The following RFX8 variants were observed in gnomAD, a reference collection of about 807,000 sequenced individuals.
The protein encoded by RFX8 is regulatory factor X8.
A neutral mutation model predicts 54.6 loss-of-function variants in RFX8; 46 were observed. The ratio of observed to expected loss-of-function variants is 0.84; its 90% CI spans 0.67 to 1.08. The LOEUF is 1.08. RFX8 is among the 50% of genes least tolerant of loss of function. The pLI is 0.00. For synonymous variants in RFX8, 192 were observed against 209.5 expected (o/e 0.92, Z 0.72); for missense variants, 536 against 562.3 (o/e 0.95, Z 0.47).
chr2:101,474,309 C>T (rs1490666159), intron 1 of RFX8: 7 of 469,420 alleles, frequency 1.5e-5, no homozygotes, highest in Non-Finnish European at 2.6e-5. Flanking sequence ...CCGAGGCAGG[C>T]AGCGAGCGGC....
intron 2 of RFX8, among the ~76,000 whole-genome samples, chr2:101,463,585 C>T (rs11690908): frequency 0.35 from 52,574 of 152,172 alleles, 9,759 homozygotes; most frequent in African/African-American, 0.44. Context: ...CCCTGGGAGA[C>T]AGCCTGCCGG....
At chr2:101,474,025 G>A (rs752056874) in intron 1 of RFX8, among the ~76,000 whole-genome samples, 1 of 152,182 alleles carries the variant, frequency 6.6e-6, no homozygotes, top group Non-Finnish European at 1.5e-5. Flanking sequence ...ACGCGTGTGC[G>A]TGCATGGCAG....
chr2:101,463,404 A>T (rs940319758), intron 2 of RFX8, among the ~76,000 whole-genome samples: 1 of 152,168 alleles, frequency 6.6e-6, no homozygotes, highest in African/African-American at 2.4e-5. Context: ...CAGTGAGGGC[A>T]GGGCTCTGGC....
intron 9 of RFX8, among the ~76,000 whole-genome samples, 159 bp downstream of exon 9, chr2:101,410,460 A>G (rs1450415153): frequency 6.6e-6 from 1 of 151,446 alleles, no homozygotes; most frequent in East Asian, 1.9e-4. Context: ...TCCACCTGCT[A>G]CAGAGTTCGA....
At chr2:101,458,687 C>T (rs960484489) in intron 2 of RFX8, among the ~76,000 whole-genome samples, 2 of 152,126 alleles carry the variant, frequency 1.3e-5, no homozygotes, top group African/African-American at 4.8e-5. Context: ...AATTAAGTGT[C>T]TTGGGTTGCT....
At chr2:101,422,211 G>A (rs1369119611) in intron 3 of RFX8, 151 bp downstream of exon 3, 6 of 604,348 alleles carry the variant, frequency 9.9e-6, no homozygotes, top group South Asian at 4.3e-5. Context: ...GCACCATCAA[G>A]CCAGGGAAGG....
intron 4 of RFX8, among the ~76,000 whole-genome samples, chr2:101,420,217 C>T (rs1686783283): frequency 6.6e-6 from 1 of 152,084 alleles, no homozygotes; most frequent in African/African-American, 2.4e-5. Context: ...CCTACTTTCC[C>T]ACCTCCCCTC....
chr2:101,431,808 AAAG>A (rs765230737), intron 2 of RFX8, among the ~76,000 whole-genome samples: 3 of 152,132 alleles, frequency 2.0e-5, no homozygotes, highest in Non-Finnish European at 4.4e-5. Context: ...CAGCAATCGA[AAAG>A]AAGGTGGCAT....
rs1685491447 is a variant in RFX8 at position 101,402,498 on chromosome 2, C to T, written c.1183G>A (p.Gly395Ser). Residue 395 changes from glycine to serine, a missense_variant, in exon 11 of 12, where the codon GGT (glycine) becomes AGT (serine). Coordinates refer to ENST00000428343, the MANE Select transcript of RFX8 (RefSeq NM_001145664.2). The stretch of plus-strand genomic sequence containing the variant: ...ATCCTGAGGACCATGTTGCTCACAC[C>T]CACGGGATATCGGCCCTGGCCCATG... Reference protein sequence around the residue: ...THMGQGRYPVGVSNMVLRILG... With the variant: ...THMGQGRYPVSVSNMVLRILG... 1 of 1,551,664 alleles carries T rather than the reference C, an allele frequency of 6.4e-7. No homozygotes were observed. Among genetic ancestry groups the T allele is most frequent in the Non-Finnish European group, 8.7e-7 (1 of 1,147,020 alleles).
intron 2 of RFX8, among the ~76,000 whole-genome samples, chr2:101,451,234 A>G (rs1688662122): frequency 1.3e-5 from 2 of 152,132 alleles, no homozygotes; most frequent in African/African-American, 4.8e-5. Flanking sequence ...ACTGTCTTCA[A>G]TTCCTTGGTG....
intron 8 of RFX8, 86 bp from the exon 9 acceptor site, chr2:101,410,799 A>C: frequency 1.4e-6 from 1 of 702,278 alleles, no homozygotes; most frequent in Non-Finnish European, 2.5e-6. Context: ...GGTAACCTGG[A>C]AACATCACTG....
At chr2:101,455,625 A>G (rs1393946292) in intron 2 of RFX8, among the ~76,000 whole-genome samples, 1 of 152,114 alleles carries the variant, frequency 6.6e-6, no homozygotes, top group Non-Finnish European at 1.5e-5. Context: ...GTAGCCTTGT[A>G]GTATAGTTTG....
At chr2:101,445,901 G>C (rs1383329564) in intron 2 of RFX8, among the ~76,000 whole-genome samples, 3 of 152,120 alleles carry the variant, frequency 2.0e-5, no homozygotes, top group African/African-American at 7.2e-5. Flanking sequence ...TTCATTACCT[G>C]AAAACCAGAG....
At chr2:101,465,626 A>C (rs1689532268) in intron 2 of RFX8, among the ~76,000 whole-genome samples, 1 of 152,158 alleles carries the variant, frequency 6.6e-6, no homozygotes. Flanking sequence ...TGATGATAAC[A>C]GTATGATAAC....
chr2:101,467,784 T>G (rs1689659156), intron 1 of RFX8, among the ~76,000 whole-genome samples: 1 of 151,766 alleles, frequency 6.6e-6, no homozygotes, highest in Admixed American at 6.6e-5. Context: ...TGGAGGTGAG[T>G]GGTGAAGGTG....
intron 9 of RFX8, among the ~76,000 whole-genome samples, chr2:101,409,477 C>T (rs192993119): frequency 2.6e-5 from 4 of 151,972 alleles, no homozygotes; most frequent in African/African-American, 7.2e-5. Flanking sequence ...CTGCCTGCCT[C>T]GGCCACCCAA....
rs1396928459 is a variant in RFX8 at position 101,417,568 on chromosome 2, A to G, written c.468T>C (p.Gly156=). The G allele has an allele frequency of 6.4e-7, 1 of 1,551,240 alleles. No homozygotes were observed. Among genetic ancestry groups the G allele is most frequent in the Admixed American group, 2.0e-5 (1 of 50,824 alleles). ...TGGAGATCTGCAAGAGGGCTGGAACACCTTCCAAAGCATTAAGGAGCCACA... is the reference window on the plus strand; with the variant it reads ...TGGAGATCTGCAAGAGGGCTGGAACGCCTTCCAAAGCATTAAGGAGCCACA... The part of the protein sequence containing the change: ...FKLWLLNALE[G]VPALLQISKL... The change falls in exon 6 of 12, where the codon GGT becomes GGC. Residue 156 remains glycine (G), a synonymous_variant. Coordinates refer to ENST00000428343, the MANE Select transcript of RFX8 (RefSeq NM_001145664.2).
intron 1 of RFX8, among the ~76,000 whole-genome samples, chr2:101,470,605 G>A (rs1234939733): frequency 1.3e-5 from 2 of 151,722 alleles, no homozygotes; most frequent in African/African-American, 4.8e-5. Flanking sequence ...AAGATCTTGA[G>A]ACCGTTCATG....
intron 10 of RFX8, among the ~76,000 whole-genome samples, chr2:101,402,974 C>G (rs1685535450): frequency 6.6e-6 from 1 of 152,258 alleles, no homozygotes; most frequent in South Asian, 2.1e-4. Context: ...GCTAAATAGC[C>G]TAAGTCATGA....
Sources: gnomAD v4.1 joint callset for allele counts (sites outside exome capture counted in the v4.1 genomes callset) on GRCh38, gnomAD v4.1.1 for gene constraint, MANE v1.5 for transcripts, NCBI Gene and HGNC (gene_info 2026-07-23, HGNC 2026-07-21) for gene names.